AKAP12: variants seen among roughly 807,000 people sequenced by gnomAD.
AKAP12 encodes A-kinase anchor protein 12.
Under a neutral mutation model 79.9 loss-of-function variants are expected in AKAP12, and 32 were observed. The observed-to-expected ratio is 0.40, with a 90% confidence interval of 0.30 to 0.54. AKAP12 has a LOEUF of 0.54. Ranked by LOEUF, AKAP12 falls within the 20% of genes least tolerant of loss-of-function variation. The pLI, the probability that AKAP12 is intolerant of heterozygous loss-of-function variation, is 0.48. For missense variants in AKAP12, 2,074 were observed against 2,177.0 expected (o/e 0.95, Z 0.94); for synonymous variants, 808 against 857.0 (o/e 0.94, Z 1.00).
At position 151,350,961 on chromosome 6, in the gene AKAP12, G is replaced by A. The variant is rs1029749746; in HGVS notation, c.2570G>A (p.Arg857Lys). The change falls in exon 4 of 5, where the codon AGG (arginine) becomes AAG (lysine). Residue 857 changes from arginine to lysine, a missense_variant. By Grantham distance (26) the Arg-to-Lys change is conservative. Transcript: ENST00000402676. The surrounding 1 kb of genome is among the most constrained non-coding windows in gnomAD (Gnocchi z 4.8). ...CTGTCTGAGTATGATGCTGTAGAAA[G>A]GGAGAAAATGGAGGCACAGCAAGCC... The part of the protein sequence containing the change: ...VPLSEYDAVE[R>K]EKMEAQQAQK... 1.2e-6 allele frequency: 2 copies of A among 1,613,934 alleles called. No individual in the cohort carries two copies. Among genetic ancestry groups the A allele is most frequent in the African/African-American group, 1.3e-5 (1 of 74,878 alleles).
At chr6:151,280,242 C>A (rs1776376676) in intron 2 of AKAP12, among the ~76,000 whole-genome samples, 1 of 151,736 alleles carries the variant, frequency 6.6e-6, no homozygotes, top group Non-Finnish European at 1.5e-5. Flanking sequence ...CTGATGATCT[C>A]CTATTACAAG....
At chr6:151,289,867 G>T (rs1776577364) in intron 2 of AKAP12, among the ~76,000 whole-genome samples, 1 of 152,194 alleles carries the variant, frequency 6.6e-6, no homozygotes, top group Admixed American at 6.5e-5. Context: ...CTCATTCAAA[G>T]CAAAGACTGA....
Position 151,240,599 on chromosome 6 carries a change from G to C in AKAP12, c.37G>C (p.Glu13Gln), listed in dbSNP as rs1017335120. 6 of 1,424,488 alleles carry C rather than the reference G, an allele frequency of 4.2e-6. No individual in the cohort carries two copies. The African/African-American group carries it at 4.5e-5, about 11-fold the overall frequency. The allele number at this position is 1,424,488 out of a possible 1,614,324, so 88.2% of individuals were successfully genotyped here. A position where few individuals can be genotyped will look rare whatever the true frequency, so the allele number is the denominator to read the frequency against. Residue 13 changes from glutamate to glutamine, a missense_variant, in exon 2 of 5, where the codon GAG becomes CAG. This residue lies in a region of AKAP12 where 1,428 missense variants were observed against 1,451.0 expected (regional missense o/e 0.98). Coordinates refer to ENST00000402676, the MANE Select transcript of AKAP12 (RefSeq NM_005100.4). ...AGSSTEQRSPEQPPEGSSTPA... is the reference protein window; with the variant it reads ...AGSSTEQRSPQQPPEGSSTPA... ...GAGCTCCACCGAGCAGCGCAGCCCG[G>C]AGCAGCCGCCCGAGGGGAGCTCCAC...
chr6:151,245,656 CAAAAA>C (rs10700236), intron 2 of AKAP12, among the ~76,000 whole-genome samples: 4 of 99,136 alleles, frequency 4.0e-5, no homozygotes, highest in Non-Finnish European at 7.7e-5. Context: ...GACTCCGTCT[CAAAAA>C]AAAAAAAAAA....
chr6:151,356,013 A>G lies in AKAP12; in HGVS notation c.*299A>G. On this transcript the variant is annotated 3_prime_UTR_variant, in exon 5 of 5. Transcript: ENST00000402676. ...TCTTAACCTGGAACTGGAGTTGGCA[A>G]TACCTAGTTCTGCTTCTGAAACTGG... The G allele has an allele frequency of 6.5e-6, 1 of 152,786 alleles. No homozygotes were observed. The highest frequency in any genetic ancestry group is 2.4e-5 in the African/African-American group (1 of 41,578). The allele number at this position is 152,786 out of a possible 1,614,324, so 9.5% of individuals were successfully genotyped here.
chr6:151,350,365 A>G lies in AKAP12; in HGVS notation c.1974A>G (p.Lys658=). Residue 658 remains lysine, a synonymous_variant, in exon 4 of 5, where the codon AAA becomes AAG. Coordinates refer to ENST00000402676, the MANE Select transcript of AKAP12 (RefSeq NM_005100.4). This position sits in a 1 kb window ranked among gnomAD's most constrained non-coding sequence, Gnocchi z 4.8. ...CCTCTGAAATGCAAGAAGAAATGAAAGGGAGCGTGGAAGAGCCAAAGCCGG... is the reference window on the plus strand; with the variant it reads ...CCTCTGAAATGCAAGAAGAAATGAAGGGGAGCGTGGAAGAGCCAAAGCCGG... The part of the protein sequence containing the change: ...STASEMQEEM[K]GSVEEPKPEE... 1.2e-6 allele frequency: 2 copies of G among 1,613,810 alleles called. No homozygotes were observed. The highest frequency in any genetic ancestry group is 1.7e-6 in the Non-Finnish European group (2 of 1,179,990).
At chr6:151,321,119 T>G (rs1777373193) in intron 3 of AKAP12, among the ~76,000 whole-genome samples, 1 of 152,112 alleles carries the variant, frequency 6.6e-6, no homozygotes, top group South Asian at 2.1e-4. Context: ...CCCGAGTAGC[T>G]GGGATTACAG....
At chr6:151,253,454 T>C (rs1420129629) in intron 2 of AKAP12, among the ~76,000 whole-genome samples, 1 of 151,854 alleles carries the variant, frequency 6.6e-6, no homozygotes, top group Non-Finnish European at 1.5e-5. Flanking sequence ...TCTCGAATTC[T>C]TGGGCTGAAA....
intron 2 of AKAP12, among the ~76,000 whole-genome samples, chr6:151,251,562 A>T (rs995997921): frequency 6.6e-6 from 1 of 152,224 alleles, no homozygotes; most frequent in African/African-American, 2.4e-5. Context: ...TTTCTCCAAT[A>T]GTCTGACAAG....
chr6:151,341,815 T>G (rs1777958693), intron 3 of AKAP12: 1 of 1,285,154 alleles, frequency 7.8e-7, no homozygotes. Flanking sequence ...GCCTCCTTCC[T>G]TCCCGTCCCA....
At chr6:151,323,943 A>G (rs2297778) in intron 3 of AKAP12, 227,496 of 985,094 alleles carry the variant, frequency 0.23, 26,921 homozygotes, top group East Asian at 0.45. Context: ...TCTCTGGGGA[A>G]GGGACTTATT....
rs1393061004 is a variant in AKAP12 at position 151,358,510 on chromosome 6, A to G, written c.*2796A>G. Reference sequence around the variant, plus strand: ...TTCTGTTTGGGGCAAATTTTCATTTATCTAAATAAAATGCAATCTAATTAA... The same window carrying G: ...TTCTGTTTGGGGCAAATTTTCATTTGTCTAAATAAAATGCAATCTAATTAA... On this transcript the variant is annotated 3_prime_UTR_variant, in exon 5 of 5. Coordinates refer to ENST00000402676, the MANE Select transcript of AKAP12 (RefSeq NM_005100.4). The G allele has an allele frequency of 2.0e-5, 3 of 152,248 alleles. No homozygotes were observed. Among genetic ancestry groups the G allele is most frequent in the Admixed American group, 1.3e-4 (2 of 15,284 alleles). 9.4% of individuals were successfully genotyped at this position (152,248 alleles called of 1,614,324 possible).
intron 2 of AKAP12, among the ~76,000 whole-genome samples, chr6:151,257,347 A>C (rs1797322231): frequency 6.6e-6 from 1 of 152,080 alleles, no homozygotes; most frequent in African/African-American, 2.4e-5. Context: ...CCCAGGCTGG[A>C]GTGCAGCGGC....
chr6:151,343,794 AAAAGAAAAAAG>A, intron 3 of AKAP12: 1 of 289,218 alleles, frequency 3.5e-6, no homozygotes, highest in South Asian at 2.8e-5. Context: ...AAAAAAGAAA[AAAAGAAAAAAG>A]AAATAGTTCA....
intron 2 of AKAP12, among the ~76,000 whole-genome samples, chr6:151,293,534 G>C (rs1053676972): frequency 1.3e-5 from 2 of 152,202 alleles, no homozygotes; most frequent in African/African-American, 2.4e-5. Flanking sequence ...CAGAGCAGCG[G>C]GTGGTGGGGA....
At chr6:151,270,939 TTC>T (rs1375424625) in intron 2 of AKAP12, among the ~76,000 whole-genome samples, 1 of 152,240 alleles carries the variant, frequency 6.6e-6, no homozygotes, top group Non-Finnish European at 1.5e-5. Context: ...CGAAGCAGAC[TTC>T]TCTGGCTTCT....
At chr6:151,253,265 C>T (rs1477061643) in intron 2 of AKAP12, among the ~76,000 whole-genome samples, 1 of 152,108 alleles carries the variant, frequency 6.6e-6, no homozygotes, top group Non-Finnish European at 1.5e-5. Context: ...TTTATGTTTT[C>T]AGTTCTTGGT....
intron 2 of AKAP12, among the ~76,000 whole-genome samples, chr6:151,252,543 C>T (rs971263644): frequency 1.3e-5 from 2 of 151,586 alleles, no homozygotes; most frequent in South Asian, 2.1e-4. Context: ...CTGAAGGCCC[C>T]GATAGTGGCT....
At chr6:151,269,891 C>T (rs1776145895) in intron 2 of AKAP12, among the ~76,000 whole-genome samples, 1 of 152,206 alleles carries the variant, frequency 6.6e-6, no homozygotes, top group Non-Finnish European at 1.5e-5. Flanking sequence ...CCACTCCCCT[C>T]ATTCCCAGTA....
Sources: allele counts gnomAD v4.1 joint callset (sites outside exome capture counted in the v4.1 genomes callset), GRCh38; gene constraint gnomAD v4.1.1; regional missense constraint gnomAD v4.1.1; non-coding constraint Gnocchi (gnomAD v3.1); transcripts MANE v1.5; gene names NCBI Gene and HGNC (gene_info 2026-07-23, HGNC 2026-07-21).